PCSK5: variants seen among roughly 807,000 people sequenced by gnomAD.
PCSK5 encodes prohormone convertase 5.
PCSK5 carries 129 observed loss-of-function variants against 233.2 expected under a neutral mutation model. That is an observed-to-expected ratio of 0.55 (90% CI 0.48 to 0.64). PCSK5 has a LOEUF of 0.64. PCSK5 is among the 30% of genes least tolerant of loss of function. The pLI is 0.00. For synonymous variants in PCSK5, 825 were observed against 879.2 expected (o/e 0.94, Z 1.09); for missense variants, 2,076 against 2,430.1 (o/e 0.85, Z 3.06).
intron 10 of PCSK5, among the ~76,000 whole-genome samples, chr9:76,148,893 T>A (rs1226450001): frequency 6.6e-6 from 1 of 152,198 alleles, no homozygotes; most frequent in Admixed American, 6.5e-5. Flanking sequence ...TTGGCCCTCA[T>A]TGCCTCCAGA....
chr9:76,150,826 A>G (rs924896493), intron 10 of PCSK5, among the ~76,000 whole-genome samples: 2 of 152,148 alleles, frequency 1.3e-5, no homozygotes, highest in African/African-American at 4.8e-5. Context: ...AAGAAGAGGT[A>G]GCGGAGGAAG....
intron 35 of PCSK5, among the ~76,000 whole-genome samples, chr9:76,344,900 A>G (rs1016704112): frequency 1.3e-5 from 2 of 152,292 alleles, no homozygotes; most frequent in Middle Eastern, 3.4e-3. Context: ...ACAGGACGAC[A>G]CCAGCCTTTG....
chr9:75,989,214 T>A (rs1475790715), intron 3 of PCSK5, among the ~76,000 whole-genome samples: 2 of 152,194 alleles, frequency 1.3e-5, no homozygotes, highest in Non-Finnish European at 2.9e-5. Flanking sequence ...TCTCCTCAAC[T>A]GTAACATAAA....
At chr9:76,243,254 C>T (rs1353048608) in intron 24 of PCSK5, among the ~76,000 whole-genome samples, 1 of 152,184 alleles carries the variant, frequency 6.6e-6, no homozygotes, top group Non-Finnish European at 1.5e-5. Context: ...GAAACTTTGT[C>T]TACTGTGTGC....
intron 20 of PCSK5, among the ~76,000 whole-genome samples, chr9:76,204,018 AC>A (rs1266700698): frequency 1.3e-5 from 2 of 152,186 alleles, no homozygotes; most frequent in Non-Finnish European, 2.9e-5. Context: ...TTAAATGACA[AC>A]CCATAAAAGT....
intron 14 of PCSK5, among the ~76,000 whole-genome samples, chr9:76,177,917 C>G (rs1259672226): frequency 1.3e-5 from 2 of 151,304 alleles, no homozygotes; most frequent in African/African-American, 4.9e-5. Flanking sequence ...CAGTGAGAGC[C>G]CTTTTGGCAA....
chr9:76,205,082 T>C (rs10869732), intron 20 of PCSK5: 346,435 of 518,296 alleles, frequency 0.67, 117,124 homozygotes, highest in East Asian at 0.79. Flanking sequence ...CTTTCCACAC[T>C]CTCACCATAT....
intron 1 of PCSK5, among the ~76,000 whole-genome samples, chr9:75,910,421 G>C (rs76834180): frequency 0.027 from 4,087 of 152,262 alleles, 71 homozygotes; most frequent in South Asian, 0.035. Flanking sequence ...TGCATTTCCT[G>C]AAAGAAACCC....
At chr9:76,138,223 T>G (rs1823058007) in intron 10 of PCSK5, among the ~76,000 whole-genome samples, 1 of 151,996 alleles carries the variant, frequency 6.6e-6, no homozygotes, top group Non-Finnish European at 1.5e-5. Flanking sequence ...AAATTTACAC[T>G]CCATCTCTTT....
chr9:76,151,930 G>GTTGAATACACC (rs1318149135), intron 10 of PCSK5, among the ~76,000 whole-genome samples: 1 of 152,146 alleles, frequency 6.6e-6, no homozygotes, highest in Non-Finnish European at 1.5e-5. Flanking sequence ...TACAGAGTAG[G>GTTGAATACACC]TGCTTTACAA....
intron 5 of PCSK5, among the ~76,000 whole-genome samples, chr9:76,051,442 T>G (rs7048598): frequency 0.5 from 75,664 of 152,036 alleles, 20,345 homozygotes; most frequent in African/African-American, 0.7. Flanking sequence ...AAGAAGAAGA[T>G]AATTAATATT....
At chr9:76,283,701 C>T (rs1056364273) in intron 24 of PCSK5, among the ~76,000 whole-genome samples, 3 of 152,134 alleles carry the variant, frequency 2.0e-5, no homozygotes, top group East Asian at 1.9e-4. Flanking sequence ...TTTATTAAGG[C>T]ATAACCAATG....
rs370584000 is a variant in PCSK5 at position 76,350,898 on chromosome 9, C to G, written c.5037C>G (p.Asp1679Glu). The change falls in exon 36 of 38, where the codon GAC becomes GAG. Residue 1679 changes from aspartate (D) to glutamate (E), a missense_variant. Asp to Glu is a conservative substitution (Grantham distance 45). Coordinates refer to ENST00000674117, the MANE Select transcript of PCSK5 (RefSeq NM_001372043.1). Reference sequence around the variant, plus strand: ...TCATGGGAGGGATCTGCACCTCGGACTGTCTTGTGGGGGAATACAGAGTGG... The same window carrying G: ...TCATGGGAGGGATCTGCACCTCGGAGTGTCTTGTGGGGGAATACAGAGTGG... ...YHLMGGICTS[D>E]CLVGEYRVGE... The G allele has an allele frequency of 6.2e-7, 1 of 1,606,948 alleles. No individual in the cohort carries two copies. The highest frequency in any genetic ancestry group is 1.3e-5 in the African/African-American group (1 of 74,812).
chr9:76,171,223 T>C (rs958208111), intron 13 of PCSK5, among the ~76,000 whole-genome samples: 1 of 152,186 alleles, frequency 6.6e-6, no homozygotes, highest in African/African-American at 2.4e-5. Flanking sequence ...TCCTCTCTCC[T>C]TTCTTCCTCT....
intron 1 of PCSK5, among the ~76,000 whole-genome samples, chr9:75,927,595 G>C (rs185323739): frequency 6.6e-6 from 1 of 152,292 alleles, no homozygotes; most frequent in Admixed American, 6.5e-5. Context: ...GCATTAGACT[G>C]TTGAGGGGTT....
intron 5 of PCSK5, among the ~76,000 whole-genome samples, chr9:76,064,116 C>T (rs1174809641): frequency 4.1e-5 from 5 of 121,622 alleles, no homozygotes; most frequent in African/African-American, 1.5e-4. Context: ...CCAGACGGGG[C>T]GGCTGGCTGG....
chr9:76,270,654 G>A (rs1827484670), intron 24 of PCSK5, among the ~76,000 whole-genome samples: 1 of 152,206 alleles, frequency 6.6e-6, no homozygotes, highest in African/African-American at 2.4e-5. Context: ...CCCAGCTGAA[G>A]TGTCCCAAGG....
intron 12 of PCSK5, among the ~76,000 whole-genome samples, chr9:76,161,875 C>T (rs1034189142): frequency 1.3e-5 from 2 of 152,272 alleles, no homozygotes; most frequent in Admixed American, 6.5e-5. Context: ...TTCCGACGTG[C>T]GGTGACCGGC....
At chr9:76,120,489 A>G (rs1220821131) in intron 9 of PCSK5, among the ~76,000 whole-genome samples, 2 of 152,106 alleles carry the variant, frequency 1.3e-5, no homozygotes, top group Non-Finnish European at 2.9e-5. Context: ...TTATTGGCAT[A>G]TTAATGTATC....
Sources: allele counts gnomAD v4.1 joint callset (sites outside exome capture counted in the v4.1 genomes callset), GRCh38; gene constraint gnomAD v4.1.1; transcripts MANE v1.5; gene names NCBI Gene and HGNC (gene_info 2026-07-23, HGNC 2026-07-21).